The following SASH1 variants were observed in gnomAD, a reference collection of about 807,000 sequenced individuals.
SASH1 encodes SAM and SH3 domain-containing protein 1.
A neutral mutation model predicts 125.2 loss-of-function variants in SASH1; 44 were observed. The observed-to-expected ratio is 0.35, with a 90% CI of 0.28 to 0.45. SASH1 has a LOEUF of 0.45. SASH1 is among the 20% of genes least tolerant of loss of function. The pLI, the probability that SASH1 is intolerant of heterozygous loss-of-function variation, is 1.00. For synonymous variants in SASH1, 639 were observed against 649.1 expected (o/e 0.98, Z 0.24); for missense variants, 1,426 against 1,614.5 (o/e 0.88, Z 2.00).
the SASH1 span, chr6:148,237,738 G>A: frequency 6.6e-6 from 1 of 152,154 alleles, no homozygotes; most frequent in Admixed American, 6.6e-5. Flanking sequence ...TAGGGCATGT[G>A]GTATCAGCAG....
Position 148,548,989 on chromosome 6 carries a change from G to A in SASH1, c.*431G>A, listed in dbSNP as rs1782735365. The A allele has an allele frequency of 1.2e-5, 2 of 160,608 alleles. No individual in the cohort carries two copies. 9.9% of individuals were successfully genotyped at this position (160,608 alleles called of 1,614,324 possible). A position where few individuals can be genotyped will look rare whatever the true frequency, so the allele number is the denominator to read the frequency against. Reference sequence around the variant, plus strand: ...GCCAGATGGGCTTAGCTAGGCCAAAGTAACAGACTCAAGAGTTATTGTACA... The same window carrying A: ...GCCAGATGGGCTTAGCTAGGCCAAAATAACAGACTCAAGAGTTATTGTACA... On this transcript the variant is annotated 3_prime_UTR_variant, in exon 20 of 20. Transcript: ENST00000367467.
chr6:148,354,593 T>C (rs1235978174), intron 1 of SASH1, among the ~76,000 whole-genome samples: 3 of 152,000 alleles, frequency 2.0e-5, no homozygotes, highest in African/African-American at 7.3e-5. Context: ...TAATTAAGAG[T>C]CTTAGGTTTC....
chr6:148,354,815 T>C (rs1477564456), intron 1 of SASH1, among the ~76,000 whole-genome samples: 1 of 152,196 alleles, frequency 6.6e-6, no homozygotes, highest in African/African-American at 2.4e-5. Context: ...CAGGCTGAAG[T>C]GCAGTGGCGC....
intron 4 of SASH1, among the ~76,000 whole-genome samples, chr6:148,455,050 A>G (rs917773948): frequency 6.6e-6 from 1 of 152,054 alleles, no homozygotes; most frequent in Non-Finnish European, 1.5e-5. Context: ...TGCTTATTTT[A>G]TTTTGGAGGT....
chr6:148,246,312 T>A, the SASH1 span, among the ~76,000 whole-genome samples: 1 of 152,244 alleles, frequency 6.6e-6, no homozygotes, highest in East Asian at 1.9e-4. Context: ...AAACAGAATG[T>A]TTCCTTTAGA....
At chr6:148,517,681 G>A (rs1780520945) in intron 9 of SASH1, among the ~76,000 whole-genome samples, 1 of 152,222 alleles carries the variant, frequency 6.6e-6, no homozygotes. Flanking sequence ...CTTACCAGAT[G>A]CTGACTTTCC....
At chr6:148,501,271 A>T (rs1050302584) in intron 8 of SASH1, among the ~76,000 whole-genome samples, 1 of 152,174 alleles carries the variant, frequency 6.6e-6, no homozygotes, top group Non-Finnish European at 1.5e-5. Flanking sequence ...TACATGAGTC[A>T]TTCAGCCTAA....
chr6:148,333,143 C>T (rs2114606504), intron 1 of SASH1, among the ~76,000 whole-genome samples: 1 of 152,206 alleles, frequency 6.6e-6, no homozygotes, highest in South Asian at 2.1e-4. Context: ...GCACTAGTCA[C>T]TATCCTCTGG....
the SASH1 span, among the ~76,000 whole-genome samples, chr6:148,217,919 G>A: frequency 6.6e-6 from 1 of 151,686 alleles, no homozygotes; most frequent in Non-Finnish European, 1.5e-5. Context: ...AGAGGCTGAG[G>A]CAGGAGGATC....
intron 4 of SASH1, among the ~76,000 whole-genome samples, chr6:148,465,977 G>A (rs62432311): frequency 0.17 from 26,404 of 151,774 alleles, 2,755 homozygotes; most frequent in Non-Finnish European, 0.24. Flanking sequence ...CCCTTCCTTC[G>A]TGTTCATCCA....
chr6:148,196,852 T>C, the SASH1 span, among the ~76,000 whole-genome samples: 1 of 152,158 alleles, frequency 6.6e-6, no homozygotes, highest in Admixed American at 6.5e-5. Flanking sequence ...GAAGGTTTCA[T>C]GATGGAAATT....
At chr6:148,429,385 T>TAAAAAA (rs61460366) in intron 2 of SASH1, among the ~76,000 whole-genome samples, 1,809 of 73,900 alleles carry the variant, frequency 0.024, 29 homozygotes, top group Non-Finnish European at 0.037. Flanking sequence ...CCCTGTCTCT[T>TAAAAAA]AAAAAAAAAA....
the SASH1 span, among the ~76,000 whole-genome samples, chr6:148,222,253 C>T: frequency 6.6e-6 from 1 of 152,210 alleles, no homozygotes; most frequent in Admixed American, 6.5e-5. Context: ...TTCCCAGACA[C>T]AATCCCTATC....
chr6:148,297,937 G>A (rs375865498), intron 1 of SASH1, among the ~76,000 whole-genome samples: 1 of 152,012 alleles, frequency 6.6e-6, no homozygotes, highest in Non-Finnish European at 1.5e-5. Context: ...TAATTTGCAG[G>A]TTTTAAGGGA....
In SASH1 at chr6:148,548,703, C is replaced by G; in HGVS notation, c.*145C>G. 2.2e-6 allele frequency: 2 copies of G among 929,098 alleles called. No homozygotes were observed. The highest frequency in any genetic ancestry group is 5.9e-5 in the Admixed American group (2 of 33,970). The allele number at this position is 929,098 out of a possible 1,614,324, so 57.6% of individuals were successfully genotyped here. On this transcript the variant is annotated 3_prime_UTR_variant, in exon 20 of 20. Coordinates refer to ENST00000367467, the MANE Select transcript of SASH1 (RefSeq NM_015278.5). The stretch of plus-strand genomic sequence containing the variant: ...GTGGCCAAACAGCGTGAAACCTTGG[C>G]ACAGGACTGAGGATCCTCTCCTCCA...
chr6:148,448,316 T>C (rs991180399), intron 4 of SASH1, among the ~76,000 whole-genome samples: 2 of 152,132 alleles, frequency 1.3e-5, no homozygotes, highest in Non-Finnish European at 2.9e-5. Flanking sequence ...AAAAATCTTC[T>C]TGCCGTTCTT....
chr6:148,335,789 A>G (rs1781136326), intron 1 of SASH1, among the ~76,000 whole-genome samples: 2 of 152,124 alleles, frequency 1.3e-5, no homozygotes, highest in Non-Finnish European at 2.9e-5. Context: ...GAAGCATCCT[A>G]ATCACCCCGC....
At chr6:148,301,490 TC>T (rs984969470) in intron 1 of SASH1, among the ~76,000 whole-genome samples, 77 of 152,242 alleles carry the variant, frequency 5.1e-4, no homozygotes, top group African/African-American at 1.8e-3. Context: ...GGTCTCAAAC[TC>T]CTGACCTCAG....
At chr6:148,453,519 G>A (rs1237738294) in intron 4 of SASH1, among the ~76,000 whole-genome samples, 1 of 152,136 alleles carries the variant, frequency 6.6e-6, no homozygotes, top group East Asian at 1.9e-4. Flanking sequence ...CACAGACCTT[G>A]GGTAAGGCAG....
Sources: gnomAD v4.1 joint callset for allele counts (sites outside exome capture counted in the v4.1 genomes callset) on GRCh38, gnomAD v4.1.1 for gene constraint, MANE v1.5 for transcripts, NCBI Gene and HGNC (gene_info 2026-07-23, HGNC 2026-07-21) for gene names.